PIP5KL1: variants seen among roughly 807,000 people sequenced by gnomAD.
PIP5KL1 encodes the protein phosphatidylinositol 4-phosphate 5-kinase-like protein 1.
In PIP5KL1, 45 loss-of-function variants were observed where a neutral mutation model predicts 47.6. The observed-to-expected ratio is 0.94, with a 90% CI of 0.74 to 1.21. The LOEUF is 1.21. Among genes scored for constraint, PIP5KL1 ranks in the 50% most tolerant of loss-of-function variants. The pLI is 0.00. For missense variants in PIP5KL1, 577 were observed against 547.6 expected (o/e 1.05, Z -0.54); for synonymous variants, 256 against 234.6 (o/e 1.09, Z -0.84).
chr9:127,927,404 G>A lies in PIP5KL1; in HGVS notation c.560-73C>T. The stretch of plus-strand genomic sequence containing the variant: ...CGGGGTGCATCCGGCGCCAATCCCA[G>A]CGCCAGGCCACGCCTCCTTCTCAAG... On this transcript the variant is annotated intron_variant, in intron 5 of 9. Transcript: ENST00000388747. This position sits in a 1 kb window ranked among gnomAD's most constrained non-coding sequence, Gnocchi z 5.5. 1.3e-6 allele frequency: 2 copies of A among 1,535,442 alleles called. No individual in the cohort carries two copies. Among genetic ancestry groups the A allele is most frequent in the African/African-American group, 1.4e-5 (1 of 73,106 alleles).
chr9:127,930,653 C>A (rs1431625158), intron 1 of PIP5KL1, 70 bp downstream of exon 1: 6 of 1,449,526 alleles, frequency 4.1e-6, no homozygotes, highest in African/African-American at 1.5e-5. Flanking sequence ...CCGCGCCGCT[C>A]GCCGAGGGGA....
Position 127,921,474 on chromosome 9 carries a change from C to A in PIP5KL1, c.*373G>T. The A allele has an allele frequency of 5.0e-6, 1 of 198,036 alleles. No homozygotes were observed. The allele number at this position is 198,036 out of a possible 1,614,324, so 12.3% of individuals were successfully genotyped here. Reference sequence around the variant, plus strand: ...CCCCCCTTGCCCAGATCATGAGGACCAAGCTGCAGGAGCTGGTGGTTAAGA... The same window carrying A: ...CCCCCCTTGCCCAGATCATGAGGACAAAGCTGCAGGAGCTGGTGGTTAAGA... On this transcript the variant is annotated 3_prime_UTR_variant, in exon 10 of 10. Transcript: ENST00000388747.
In PIP5KL1 at chr9:127,927,184, C is replaced by T; in HGVS notation, c.619G>A (p.Val207Ile). ...KKTYFIVMQS[V>I]FYPAGRISER... ...GAGATGCGGCCGGCGGGGTAGAAGA[C>T]GCTCTGCATGACGATGAAGTACGTC... The change falls in exon 7 of 10, where the codon GTC (valine) becomes ATC (isoleucine). Residue 207 changes from valine (V) to isoleucine (I), a missense_variant. Transcript: ENST00000388747. This position sits in a 1 kb window ranked among gnomAD's most constrained non-coding sequence, Gnocchi z 5.5. 6.2e-7 allele frequency: 1 copy of T among 1,612,728 alleles called. No individual in the cohort carries two copies. The highest frequency in any genetic ancestry group is 8.5e-7 in the Non-Finnish European group (1 of 1,179,340).
In PIP5KL1 at chr9:127,921,860, G is replaced by A. The variant is rs770563843; in HGVS notation, c.1172C>T (p.Ala391Val). The A allele has an allele frequency of 1.3e-5, 21 of 1,574,172 alleles. No homozygotes were observed. The highest frequency in any genetic ancestry group is 4.6e-5 in the East Asian group (2 of 43,104). Residue 391 changes from alanine (A) to valine (V), a missense_variant, in exon 10 of 10, where the codon GCG (alanine) becomes GTG (valine). Transcript: ENST00000388747. Reference protein sequence around the residue: ...YARRLCQWVEAHTE With the variant: ...YARRLCQWVEVHTE ...GCCGGGCGCCCGTCACTCCGTGTGC[G>A]CCTCCACCCACTGGCAGAGGCGACG...
rs1588685611 is a variant in PIP5KL1, at chr9:127,928,274, AGTT to A, written c.280-58_280-56del. The A allele has an allele frequency of 9.1e-6, 14 of 1,532,476 alleles. No individual in the cohort carries two copies. In the East Asian group the frequency reaches 2.9e-4, roughly 32 times the overall value. 94.9% of individuals were successfully genotyped at this position (1,532,476 alleles called of 1,614,324 possible). A position where few individuals can be genotyped will look rare whatever the true frequency, so the allele number is the denominator to read the frequency against. ...TGTCTGCGTGGGCCCGGGTGTGTGCAGTTGGTCCTGGGACAGGAGGGTCAGGGT... is the reference window on the plus strand; with the variant it reads ...TGTCTGCGTGGGCCCGGGTGTGTGCAGGTCCTGGGACAGGAGGGTCAGGGT... On this transcript the variant is annotated intron_variant, in intron 3 of 9. Transcript: ENST00000388747.
At position 127,921,756 on chromosome 9, in the gene PIP5KL1, G is replaced by A. The variant is rs1831283447; in HGVS notation, c.*91C>T. On this transcript the variant is annotated 3_prime_UTR_variant, in exon 10 of 10. Coordinates refer to ENST00000388747, the MANE Select transcript of PIP5KL1 (RefSeq NM_001135219.2). ...TGCTGCCCTCTGGCGACCATCAGGA[G>A]GAAGCGCAGGCGAGATGCCCGGGCC... 1.4e-6 allele frequency: 2 copies of A among 1,447,880 alleles called. No individual in the cohort carries two copies. Among genetic ancestry groups the A allele is most frequent in the South Asian group, 1.4e-5 (1 of 72,492 alleles). The allele number at this position is 1,447,880 out of a possible 1,614,324, so 89.7% of individuals were successfully genotyped here. A position where few individuals can be genotyped will look rare whatever the true frequency, so the allele number is the denominator to read the frequency against.
rs1369186219 is a variant in PIP5KL1 at position 127,928,714 on chromosome 9, C to T, written c.229-231G>A. ...ACGGCAAGGCCTGAGTGTATCTCAT[C>T]CACTCTGGATCACCAGCACCAGGCC... On this transcript the variant is annotated intron_variant, in intron 2 of 9. Coordinates refer to ENST00000388747, the MANE Select transcript of PIP5KL1 (RefSeq NM_001135219.2). 11 of 579,042 alleles carry T rather than the reference C, an allele frequency of 1.9e-5. No individual in the cohort carries two copies. The East Asian group carries it at 3.0e-4, about 16-fold the overall frequency. 35.9% of individuals were successfully genotyped at this position (579,042 alleles called of 1,614,324 possible).
chr9:127,928,553 GTCCTGC>G, intron 2 of PIP5KL1, 70 bp from the exon 3 acceptor site: 1 of 1,425,808 alleles, frequency 7.0e-7, no homozygotes, highest in South Asian at 1.4e-5. Context: ...ATCTCCAGAT[GTCCTGC>G]ACCTGGCCCG....
intron 1 of PIP5KL1, 111 bp downstream of exon 1, chr9:127,930,611 AG>A: frequency 7.7e-7 from 1 of 1,298,852 alleles, no homozygotes; most frequent in Non-Finnish European, 1.0e-6. Flanking sequence ...CGCCGGCTGC[AG>A]GGCCCCTCCC....
At chr9:127,924,151 T>A (rs76491904) in intron 9 of PIP5KL1, among the ~76,000 whole-genome samples, 5,327 of 152,162 alleles carry the variant, frequency 0.035, 131 homozygotes, top group Middle Eastern at 0.072. Context: ...GACAAATCTC[T>A]TGGTCAGGAG....
At position 127,930,741 on chromosome 9, in the gene PIP5KL1, C is replaced by T. The variant is rs972956644; in HGVS notation, c.12G>A (p.Pro4=). The part of the protein sequence containing the change: MAA[P]SPGPREVLAP... ...CACCTACCTCGCGGGGCCCCGGGCT[C>T]GGCGCAGCCATCGCCCCCGCAGCAG... The change falls in exon 1 of 10, where the codon CCG becomes CCA. Residue 4 remains proline, a synonymous_variant. Coordinates refer to ENST00000388747, the MANE Select transcript of PIP5KL1 (RefSeq NM_001135219.2). The T allele has an allele frequency of 2.6e-6, 4 of 1,562,716 alleles. No individual in the cohort carries two copies. The highest frequency in any genetic ancestry group is 1.4e-5 in the African/African-American group (1 of 71,498).
Position 127,922,705 on chromosome 9 carries a change from AAAAAAAG to A in PIP5KL1, c.918-598_918-592del, listed in dbSNP as rs1194695186. On this transcript the variant is annotated intron_variant, in intron 9 of 9. Coordinates refer to ENST00000388747, the MANE Select transcript of PIP5KL1 (RefSeq NM_001135219.2). ...GCGAGACTCTGTCTCAAAAAAAAAA[AAAAAAAG>A]AAAAAAGAAAAAGAAAAAAGAAAAG... is the stretch of plus-strand genomic sequence containing the variant. 6.9e-3 allele frequency among the ~76,000 whole-genome samples: 1,033 copies of A among 149,728 alleles called. 7 individuals are homozygous for A. Among genetic ancestry groups the A allele is most frequent in the African/African-American group, 0.023 (945 of 40,352 alleles).
chr9:127,927,276 C>A lies in PIP5KL1; in HGVS notation c.594+21G>T, dbSNP rs1831376703. 2 of 1,611,622 alleles carry A rather than the reference C, an allele frequency of 1.2e-6. No homozygotes were observed. The highest frequency in any genetic ancestry group is 4.5e-5 in the East Asian group (2 of 44,834). ...TCCAGCCGCCCGCTCCGCCCAGCCA[C>A]CTCGCCTCGGCTTCACCCACCTTCT... is the stretch of plus-strand genomic sequence containing the variant. On this transcript the variant is annotated intron_variant, in intron 6 of 9. Transcript: ENST00000388747. The surrounding 1 kb of genome is among the most constrained non-coding windows in gnomAD (Gnocchi z 5.5).
chr9:127,922,023 C>G lies in PIP5KL1; in HGVS notation c.1009G>C (p.Gly337Arg). ...CCCAGGAAATAGCGCTGCTCGGGCC[C>G]GTCCAGGATGTGTAGGGCGTTGGGG... ...DAPNALHILD[G>R]PEQRYFLGVV... Residue 337 changes from glycine to arginine, a missense_variant, in exon 10 of 10, where the codon GGG (glycine) becomes CGG (arginine). Gly to Arg is a moderately radical substitution (Grantham distance 125). Transcript: ENST00000388747. The G allele has an allele frequency of 1.3e-6, 2 of 1,575,204 alleles. No homozygotes were observed. The highest frequency in any genetic ancestry group is 1.2e-5 in the South Asian group (1 of 86,300).
chr9:127,924,971 C>T (rs1831339020), intron 9 of PIP5KL1, 136 bp downstream of exon 9: 1 of 1,224,808 alleles, frequency 8.2e-7, no homozygotes, highest in African/African-American at 1.5e-5. Flanking sequence ...CACACGCACA[C>T]ACACACACAA....
intron 3 of PIP5KL1, 105 bp downstream of exon 3, chr9:127,928,328 A>G (rs1831393699): frequency 2.6e-6 from 4 of 1,539,408 alleles, no homozygotes; most frequent in African/African-American, 2.7e-5. Flanking sequence ...GCAAGGCTCA[A>G]GTCTCAGGGA....
At chr9:127,928,813 G>T (rs972329654) in intron 2 of PIP5KL1, 1 of 370,004 alleles carries the variant, frequency 2.7e-6, no homozygotes, top group Non-Finnish European at 4.9e-6. Context: ...AGTACAAGGG[G>T]GTGGCCCTGA....
chr9:127,921,028 CT>C lies in PIP5KL1; in HGVS notation c.*818del, dbSNP rs1831273853. The C allele has an allele frequency of 6.6e-6, 1 of 152,298 alleles. No homozygotes were observed. The highest frequency in any genetic ancestry group is 2.1e-4 in the South Asian group (1 of 4,830). The allele number at this position is 152,298 out of a possible 1,614,324, so 9.4% of individuals were successfully genotyped here. A position where few individuals can be genotyped will look rare whatever the true frequency, so the allele number is the denominator to read the frequency against. On this transcript the variant is annotated 3_prime_UTR_variant, in exon 10 of 10. Transcript: ENST00000388747. ...GGAGCAGTTCTGGAGGAAAGGCCCG[CT>C]TGGGCTTGGGCATGGTCGGATTGAA...
chr9:127,930,747 A>G lies in PIP5KL1; in HGVS notation c.6T>C (p.Ala2=), dbSNP rs952593631. Residue 2 remains alanine (A), a synonymous_variant, in exon 1 of 10, where the codon GCT becomes GCC. Transcript: ENST00000388747. M[A]APSPGPREVL... is the part of the protein sequence containing the mutation. The stretch of plus-strand genomic sequence containing the variant: ...CCTCGCGGGGCCCCGGGCTCGGCGC[A>G]GCCATCGCCCCCGCAGCAGCTTCCC... 1.3e-6 allele frequency: 2 copies of G among 1,556,562 alleles called. No homozygotes were observed. Among genetic ancestry groups the G allele is most frequent in the South Asian group, 1.2e-5 (1 of 83,740 alleles).
Sources: gnomAD v4.1 joint callset for allele counts (sites outside exome capture counted in the v4.1 genomes callset) on GRCh38, gnomAD v4.1.1 for gene constraint, Gnocchi (gnomAD v3.1) non-coding constraint, MANE v1.5 for transcripts, NCBI Gene and HGNC (gene_info 2026-07-23, HGNC 2026-07-21) for gene names.